The following BANK1 variants were observed in gnomAD, a reference collection of about 807,000 sequenced individuals.
The protein encoded by BANK1 is B-cell scaffold protein with ankyrin repeats.
In BANK1, 95 loss-of-function variants were observed where a neutral mutation model predicts 94.5. The ratio of observed to expected loss-of-function variants is 1.00; its 90% CI spans 0.85 to 1.19. BANK1 has a LOEUF of 1.19. BANK1 is among the 50% of genes most tolerant of loss of function. The pLI is 0.00. For missense variants in BANK1, 987 were observed against 932.2 expected (o/e 1.06, Z -0.77); for synonymous variants, 334 against 308.4 (o/e 1.08, Z -0.87).
intron 2 of BANK1, among the ~76,000 whole-genome samples, chr4:101,839,685 G>T (rs1433124240): frequency 6.6e-6 from 1 of 151,976 alleles, no homozygotes; most frequent in Admixed American, 6.5e-5. Flanking sequence ...AAGCAGGGAG[G>T]ATTTGTCTGA....
At chr4:101,813,954 CT>C in intron 1 of BANK1, 1 of 853,018 alleles carries the variant, frequency 1.2e-6, no homozygotes. Flanking sequence ...TATATATCTT[CT>C]AGTATATAGC....
Position 102,062,826 on chromosome 4 carries a change from T to A in BANK1, c.2149-249T>A, listed in dbSNP as rs1728461800. On this transcript the variant is annotated intron_variant, in intron 12 of 16. Coordinates refer to ENST00000322953, the MANE Select transcript of BANK1 (RefSeq NM_017935.5). ...ACTTATAACTATGAATTGGGAAAGT[T>A]ACTGTACCTCTCTGTACCTCAGTTT... The A allele has an allele frequency of 9.8e-6, 4 of 406,440 alleles. No homozygotes were observed. The South Asian group carries it at 1.3e-4, about 13-fold the overall frequency. 25.2% of individuals were successfully genotyped at this position (406,440 alleles called of 1,614,324 possible). A position where few individuals can be genotyped will look rare whatever the true frequency, so the allele number is the denominator to read the frequency against.
At chr4:102,001,101 C>T (rs1726052324) in intron 7 of BANK1, among the ~76,000 whole-genome samples, 1 of 152,134 alleles carries the variant, frequency 6.6e-6, no homozygotes, top group African/African-American at 2.4e-5. Flanking sequence ...TAAGGGCATG[C>T]AGCAGCAGCA....
chr4:101,791,428 A>T (rs978536538), intron 1 of BANK1, among the ~76,000 whole-genome samples: 1 of 152,220 alleles, frequency 6.6e-6, no homozygotes. Flanking sequence ...GCTTCTTGGC[A>T]GGTGGCTTTG....
intron 10 of BANK1, among the ~76,000 whole-genome samples, chr4:102,035,852 T>C (rs73834594): frequency 0.033 from 5,057 of 152,222 alleles, 296 homozygotes; most frequent in African/African-American, 0.12. Flanking sequence ...CCTGTAATAT[T>C]GAAGAGGATC....
intron 1 of BANK1, among the ~76,000 whole-genome samples, chr4:101,793,377 A>G (rs1237957799): frequency 6.6e-6 from 1 of 152,232 alleles, no homozygotes; most frequent in East Asian, 1.9e-4. Flanking sequence ...CTTCAGACCA[A>G]TCTGGAAATG....
chr4:101,936,197 T>C (rs201785159), intron 7 of BANK1, among the ~76,000 whole-genome samples: 1 of 119,722 alleles, frequency 8.4e-6, no homozygotes, highest in Non-Finnish European at 1.9e-5. Context: ...ATATATATAT[T>C]TTTTATATAT....
intron 1 of BANK1, among the ~76,000 whole-genome samples, chr4:101,792,090 G>C (rs758922954): frequency 6.6e-6 from 1 of 152,114 alleles, no homozygotes; most frequent in Non-Finnish European, 1.5e-5. Context: ...ATGGGGTACA[G>C]TTTGTTTCAA....
intron 7 of BANK1, among the ~76,000 whole-genome samples, chr4:101,993,224 A>T (rs569471463): frequency 1.3e-5 from 2 of 152,170 alleles, no homozygotes; most frequent in Admixed American, 1.3e-4. Context: ...TTTGAAAGAA[A>T]TGGGAAGTAA....
intron 11 of BANK1, among the ~76,000 whole-genome samples, chr4:102,054,521 A>G (rs1360463714): frequency 2.6e-5 from 4 of 152,134 alleles, no homozygotes; most frequent in Admixed American, 6.5e-5. Context: ...AATCTCCCTC[A>G]TAAAAAGATA....
chr4:102,005,303 T>C (rs1229391657), intron 7 of BANK1, among the ~76,000 whole-genome samples: 3 of 152,124 alleles, frequency 2.0e-5, no homozygotes, highest in African/African-American at 7.2e-5. Flanking sequence ...TGATCATGTA[T>C]AAGCATATGA....
intron 6 of BANK1, among the ~76,000 whole-genome samples, chr4:101,902,117 G>A (rs1318677511): frequency 6.6e-6 from 1 of 152,096 alleles, no homozygotes; most frequent in Non-Finnish European, 1.5e-5. Context: ...TCTGACTTGT[G>A]TCATCTTGGA....
intron 1 of BANK1, among the ~76,000 whole-genome samples, chr4:101,792,255 T>TCC (rs771698917): frequency 0.36 from 45,385 of 127,238 alleles, 8,636 homozygotes; most frequent in Middle Eastern, 0.5. Context: ...TGCATTCCGC[T>TCC]CCCCCCCCGC....
At chr4:101,982,072 T>C (rs907376072) in intron 7 of BANK1, 3 of 152,148 alleles carry the variant, frequency 2.0e-5, no homozygotes, top group African/African-American at 2.4e-5. Flanking sequence ...AGTGTACTTG[T>C]GCTCTTCCTC....
Position 101,944,128 on chromosome 4 carries a change from T to C in BANK1, c.1206+25939T>C, listed in dbSNP as rs577225667. On this transcript the variant is annotated intron_variant, in intron 7 of 16. Coordinates refer to ENST00000322953, the MANE Select transcript of BANK1 (RefSeq NM_017935.5). Reference sequence around the variant, plus strand: ...TGTGTGTGTACAGATCCAACTGATTTAATACTCCTCAGTAAGCCGGTTTTC... The same window carrying C: ...TGTGTGTGTACAGATCCAACTGATTCAATACTCCTCAGTAAGCCGGTTTTC... 1.3e-4 allele frequency among the ~76,000 whole-genome samples: 20 copies of C among 151,652 alleles called. No individual in the cohort carries two copies. The South Asian group carries it at 4.0e-3, about 30-fold the overall frequency.
intron 1 of BANK1, among the ~76,000 whole-genome samples, chr4:101,827,874 A>T (rs1304241985): frequency 6.6e-6 from 1 of 151,864 alleles, no homozygotes; most frequent in Non-Finnish European, 1.5e-5. Context: ...TTTCAAAAAG[A>T]TACATTTATA....
intron 15 of BANK1, 97 bp from the exon 16 acceptor site, chr4:102,073,587 T>A: frequency 1.9e-6 from 2 of 1,053,938 alleles, no homozygotes; most frequent in Non-Finnish European, 2.8e-6. Context: ...TTTCCATGGC[T>A]GTGAAAGGCA....
chr4:101,974,793 C>CA lies in BANK1; in HGVS notation c.1207-46707dup, dbSNP rs5860706. Among the ~76,000 whole-genome samples, 1,004 of 146,554 alleles carry CA rather than the reference C, an allele frequency of 6.9e-3. 10 individuals are homozygous for CA. Among genetic ancestry groups the CA allele is most frequent in the African/African-American group, 0.022 (889 of 39,736 alleles). ...TGAAACCCCATCTTTACTAAAAATA[C>CA]AAAAAAAAAAAAAATTAGCTGGGCA... On this transcript the variant is annotated intron_variant, in intron 7 of 16. Transcript: ENST00000322953.
chr4:101,845,913 G>C (rs1578352590), intron 2 of BANK1, among the ~76,000 whole-genome samples: 1 of 152,128 alleles, frequency 6.6e-6, no homozygotes, highest in Admixed American at 6.5e-5. Flanking sequence ...GGTGCACAAC[G>C]TGCAGGTTTG....
Sources: gnomAD v4.1 joint callset for allele counts (sites outside exome capture counted in the v4.1 genomes callset) on GRCh38, gnomAD v4.1.1 for gene constraint, MANE v1.5 for transcripts, NCBI Gene and HGNC (gene_info 2026-07-23, HGNC 2026-07-21) for gene names.